MEIG1: variants seen among roughly 807,000 people sequenced by gnomAD.
The protein encoded by MEIG1 is meiosis expressed gene 1 protein homolog.
In MEIG1, 12 loss-of-function variants were observed where a neutral mutation model predicts 11.3. The observed-to-expected ratio is 1.07, with a 90% CI of 0.68 to 1.73. The LOEUF (loss-of-function observed/expected upper bound fraction) is 1.73, where lower values mean the gene tolerates loss of function less well. Ranked by LOEUF, MEIG1 falls within the 40% of genes most tolerant of loss-of-function variation. The pLI, the probability that MEIG1 is intolerant of heterozygous loss-of-function variation, is 0.00. For missense variants in MEIG1, 119 were observed against 104.9 expected, an observed-to-expected ratio of 1.13 and a Z score of -0.59; for synonymous variants, 41 against 33.2, an observed-to-expected ratio of 1.24 and a Z score of -0.81.
chr10:14,980,962 G>C (rs112733348), intron 1 of MEIG1, among the ~76,000 whole-genome samples: 1 of 152,086 alleles, frequency 6.6e-6, no homozygotes, highest in Non-Finnish European at 1.5e-5. Context: ...GTAGCTTGAC[G>C]AAGCAAGCGC....
chr10:14,954,270 C>T, the MEIG1 span: 40 of 576,136 alleles, frequency 6.9e-5, no homozygotes, highest in Non-Finnish European at 1.2e-4. Flanking sequence ...CAGTGCAAGG[C>T]TCATTCCCGC....
At chr10:14,976,992 G>A (rs547502163), downstream of MEIG1, among the ~76,000 whole-genome samples, 22 of 151,868 alleles carry the variant, frequency 1.4e-4, no homozygotes, top group Admixed American at 2.6e-4. Flanking sequence ...ATATCCACGG[G>A]GGATGTTACT....
upstream of MEIG1, among the ~76,000 whole-genome samples, chr10:14,958,354 G>A (rs577266899): frequency 3.9e-5 from 6 of 152,142 alleles, no homozygotes; most frequent in African/African-American, 1.2e-4. Context: ...AGTATGACTC[G>A]TTTATTTAGA....
Position 14,960,224 on chromosome 10 carries a change from A to G in MEIG1, c.-30+667A>G, listed in dbSNP as rs905037944. ...GCTCCTCCTGCTGCCTCTTAAGAACAGAAATAATCTAATAGGAGGAATAAA... is the reference window on the plus strand; with the variant it reads ...GCTCCTCCTGCTGCCTCTTAAGAACGGAAATAATCTAATAGGAGGAATAAA... On this transcript the variant is annotated intron_variant, in intron 1 of 2. Coordinates refer to ENST00000407572, the MANE Select transcript of MEIG1 (RefSeq NM_001080836.3). Among the ~76,000 whole-genome samples, 16 of 152,310 alleles carry G rather than the reference A, an allele frequency of 1.1e-4. No homozygotes were observed. In the East Asian group the frequency reaches 2.1e-3, roughly 20 times the overall value.
At chr10:14,961,604 TG>T (rs1843013278) in intron 1 of MEIG1, among the ~76,000 whole-genome samples, 1 of 147,234 alleles carries the variant, frequency 6.8e-6, no homozygotes, top group Non-Finnish European at 1.5e-5. Context: ...CCGAAGTAGC[TG>T]GGACTACAGG....
intron 1 of MEIG1, among the ~76,000 whole-genome samples, chr10:14,981,602 C>T (rs546366013): frequency 0.024 from 3,698 of 151,938 alleles, 67 homozygotes; most frequent in South Asian, 0.049. Flanking sequence ...CTACCCCCGA[C>T]AGTCATTCTG....
At chr10:14,986,670 C>G in intron 1 of MEIG1, 1 of 268,356 alleles carries the variant, frequency 3.7e-6, no homozygotes, top group South Asian at 4.1e-5. Flanking sequence ...AGTACACAGG[C>G]ACAATCCGGG....
intron 1 of MEIG1, among the ~76,000 whole-genome samples, chr10:14,983,194 A>C (rs1283935278): frequency 6.6e-6 from 1 of 152,046 alleles, no homozygotes; most frequent in African/African-American, 2.4e-5. Flanking sequence ...TATCATCTCC[A>C]GGGGGTGGCG....
intron 1 of MEIG1, among the ~76,000 whole-genome samples, chr10:14,978,381 A>G (rs542250042): frequency 3.5e-4 from 54 of 152,118 alleles, no homozygotes; most frequent in African/African-American, 1.3e-3. Flanking sequence ...ACACTGTGAT[A>G]TTATTAGTAA....
At chr10:14,962,692 G>A (rs986115118) in intron 1 of MEIG1, among the ~76,000 whole-genome samples, 2 of 151,962 alleles carry the variant, frequency 1.3e-5, no homozygotes, top group Non-Finnish European at 2.9e-5. Flanking sequence ...ATCACTACAT[G>A]TGCTTCATCT....
chr10:14,968,768 C>T (rs1843116869), intron 2 of MEIG1, among the ~76,000 whole-genome samples: 1 of 152,078 alleles, frequency 6.6e-6, no homozygotes, highest in Non-Finnish European at 1.5e-5. Context: ...GAAGCATTAT[C>T]ATTTTTATGC....
chr10:14,958,129 C>T (rs534963638), upstream of MEIG1, among the ~76,000 whole-genome samples: 8 of 152,266 alleles, frequency 5.3e-5, no homozygotes, highest in South Asian at 1.7e-3. Context: ...CTCTAGGCCA[C>T]ATCTACTAAA....
In MEIG1 at chr10:14,961,638, A is replaced by ATTTTTTTTTTT. The variant is rs34536061; in HGVS notation, c.-30+2092_-30+2102dup. ...AGGCAGCCGCCACCGCATCCGGCTA[A>ATTTTTTTTTTT]TTTTTTTTTTTTTTTTTTTTTAGTA... On this transcript the variant is annotated intron_variant, in intron 1 of 2. Transcript: ENST00000407572. Among the ~76,000 whole-genome samples the ATTTTTTTTTTT allele has an allele frequency of 6.6e-3, 508 of 76,580 alleles. 48 individuals are homozygous for ATTTTTTTTTTT. The highest frequency in any genetic ancestry group is 0.022 in the African/African-American group (487 of 21,938). The allele number at this position is 76,580 out of a possible 152,430, so 50.2% of individuals were successfully genotyped here.
At chr10:14,961,625 C>G (rs954692959) in intron 1 of MEIG1, among the ~76,000 whole-genome samples, 32 of 85,872 alleles carry the variant, frequency 3.7e-4, no homozygotes, top group Non-Finnish European at 7.3e-4. Flanking sequence ...GCAGCCGCCA[C>G]CGCATCCGGC....
intron 1 of MEIG1, among the ~76,000 whole-genome samples, chr10:14,962,860 G>A (rs1227732483): frequency 6.6e-6 from 1 of 151,900 alleles, no homozygotes; most frequent in Non-Finnish European, 1.5e-5. Flanking sequence ...CATCTCCCAG[G>A]TTCAAGCAGT....
At chr10:14,984,414 A>G (rs1275258322) in intron 1 of MEIG1, among the ~76,000 whole-genome samples, 1 of 152,046 alleles carries the variant, frequency 6.6e-6, no homozygotes, top group Admixed American at 6.6e-5. Context: ...ATTGTAGGGG[A>G]ATGTTAATCA....
intron 1 of MEIG1, among the ~76,000 whole-genome samples, chr10:14,960,029 C>T (rs955844954): frequency 2.0e-5 from 3 of 152,206 alleles, no homozygotes; most frequent in African/African-American, 7.2e-5. Context: ...ACTCCCAGAG[C>T]AGGGACCGCC....
intron 1 of MEIG1, among the ~76,000 whole-genome samples, chr10:14,980,269 A>C (rs754268913): frequency 5.9e-5 from 9 of 152,094 alleles, no homozygotes; most frequent in Admixed American, 1.3e-4. Flanking sequence ...TCCTAGAGTG[A>C]TGTTACTCCT....
At chr10:14,956,528 G>A (rs1236729845), upstream of MEIG1, among the ~76,000 whole-genome samples, 1 of 152,176 alleles carries the variant, frequency 6.6e-6, no homozygotes, top group Non-Finnish European at 1.5e-5. Context: ...ATTGCACTGA[G>A]CCGAGATTGG....
Sources: allele counts gnomAD v4.1 joint callset (sites outside exome capture counted in the v4.1 genomes callset), GRCh38; gene constraint gnomAD v4.1.1; transcripts MANE v1.5; gene names NCBI Gene and HGNC (gene_info 2026-07-23, HGNC 2026-07-21).